TOMM20: variants seen among roughly 807,000 people sequenced by gnomAD.
TOMM20 encodes the protein mitochondrial import receptor subunit TOM20 homolog.
TOMM20 carries 10 observed loss-of-function variants against 22.1 expected under a neutral mutation model. The ratio of observed to expected loss-of-function variants is 0.45; its 90% confidence interval spans 0.28 to 0.77. TOMM20 has a LOEUF of 0.77. TOMM20 is among the 30% of genes least tolerant of loss of function. The probability of loss-of-function intolerance (pLI) is 0.13; values close to 1 mark genes in which losing one functional copy is unlikely to be tolerated. For synonymous variants in TOMM20, 55 were observed against 61.4 expected (o/e 0.90, Z 0.49); for missense variants, 121 against 172.2 (o/e 0.70, Z 1.66).
chr1:235,114,058 T>A (rs1225472472), intron 3 of TOMM20, 148 bp from the exon 4 acceptor site: 1 of 779,538 alleles, frequency 1.3e-6, no homozygotes. Flanking sequence ...CATATAACTA[T>A]TATGAAGCTA....
At chr1:235,122,114 T>C (rs1475285272) in intron 2 of TOMM20, among the ~76,000 whole-genome samples, 2 of 152,196 alleles carry the variant, frequency 1.3e-5, no homozygotes, top group African/African-American at 4.8e-5. Flanking sequence ...TTTGTTGTTA[T>C]GGCCAGCAAA....
At chr1:235,112,800 AT>A (rs1660760216) in intron 4 of TOMM20, among the ~76,000 whole-genome samples, 1 of 152,172 alleles carries the variant, frequency 6.6e-6, no homozygotes, top group South Asian at 2.1e-4. Flanking sequence ...CCTCAGGCCA[AT>A]TTTCCAAAAG....
chr1:235,122,459 T>C, intron 1 of TOMM20, 87 bp from the exon 2 acceptor site: 1 of 1,251,218 alleles, frequency 8.0e-7, no homozygotes, highest in Non-Finnish European at 1.1e-6. Flanking sequence ...AGTCATTAAT[T>C]CCATTTGCAA....
At chr1:235,120,512 G>A (rs376760483) in intron 2 of TOMM20, among the ~76,000 whole-genome samples, 6 of 151,714 alleles carry the variant, frequency 4.0e-5, no homozygotes, top group Admixed American at 2.0e-4. Flanking sequence ...TGATCCACCC[G>A]CCTCGGCCTC....
chr1:235,116,688 G>A (rs1660833391), intron 3 of TOMM20, among the ~76,000 whole-genome samples: 1 of 152,248 alleles, frequency 6.6e-6, no homozygotes, highest in Non-Finnish European at 1.5e-5. Flanking sequence ...TCCAGCCTGG[G>A]CAACAGAATG....
chr1:235,120,052 T>C (rs751862353), intron 2 of TOMM20, among the ~76,000 whole-genome samples, 153 bp from the exon 3 acceptor site: 6 of 152,220 alleles, frequency 3.9e-5, no homozygotes, highest in Non-Finnish European at 8.8e-5. Context: ...CTTGTAGGAA[T>C]TAAGAGTTCA....
At chr1:235,127,817 T>C (rs1168608167) in intron 1 of TOMM20, 2 of 518,390 alleles carry the variant, frequency 3.9e-6, no homozygotes, top group Admixed American at 3.9e-5. Flanking sequence ...GTCGCAGGTA[T>C]GAAATAAGAC....
intron 3 of TOMM20, among the ~76,000 whole-genome samples, chr1:235,117,476 A>AAC (rs1660856066): frequency 1.3e-5 from 1 of 74,142 alleles, no homozygotes; most frequent in South Asian, 2.5e-4. Flanking sequence ...CAAAAAAAAC[A>AAC]AAAAAAAAAA....
intron 1 of TOMM20, among the ~76,000 whole-genome samples, chr1:235,126,612 G>C (rs1340754852): frequency 6.6e-6 from 1 of 151,940 alleles, no homozygotes; most frequent in Non-Finnish European, 1.5e-5. Context: ...AGACCAACCT[G>C]GCCAATATGG....
In TOMM20 at chr1:235,111,050, A is replaced by G. The variant is rs531355414; in HGVS notation, c.*1014T>C. ...GCAAAAGGCAACAAGCATTTTTACAAGCAGATCATCCCAGTTACCTTAAAA... is the reference window on the plus strand; with the variant it reads ...GCAAAAGGCAACAAGCATTTTTACAGGCAGATCATCCCAGTTACCTTAAAA... On this transcript the variant is annotated 3_prime_UTR_variant, in exon 5 of 5. Coordinates refer to ENST00000366607, the MANE Select transcript of TOMM20 (RefSeq NM_014765.3). 3.9e-5 allele frequency: 6 copies of G among 152,368 alleles called. No individual in the cohort carries two copies. The highest frequency in any genetic ancestry group is 3.9e-4 in the Admixed American group (6 of 15,308). The allele number at this position is 152,368 out of a possible 1,614,324, so 9.4% of individuals were successfully genotyped here.
At chr1:235,119,179 A>G (rs1162502717) in intron 3 of TOMM20, among the ~76,000 whole-genome samples, 1 of 152,200 alleles carries the variant, frequency 6.6e-6, no homozygotes, top group Admixed American at 6.6e-5. Flanking sequence ...CACGTTTGTC[A>G]ATTTGATAAT....
intron 3 of TOMM20, among the ~76,000 whole-genome samples, chr1:235,114,941 C>T (rs1660805984): frequency 2.6e-5 from 4 of 152,132 alleles, no homozygotes; most frequent in Non-Finnish European, 5.9e-5. Flanking sequence ...ACAATCTTGG[C>T]TGACTGCAGC....
At chr1:235,123,061 G>T (rs1169830448) in intron 1 of TOMM20, among the ~76,000 whole-genome samples, 8 of 152,142 alleles carry the variant, frequency 5.3e-5, no homozygotes, top group African/African-American at 1.9e-4. Flanking sequence ...GGTGATCTTA[G>T]GCAAATCTCT....
At chr1:235,114,326 A>G (rs1032876808) in intron 3 of TOMM20, among the ~76,000 whole-genome samples, 3 of 152,164 alleles carry the variant, frequency 2.0e-5, no homozygotes, top group African/African-American at 7.2e-5. Context: ...ATGGTATCGC[A>G]TGGGAAGAAA....
chr1:235,113,373 G>A (rs1660773080), intron 4 of TOMM20, among the ~76,000 whole-genome samples: 1 of 152,120 alleles, frequency 6.6e-6, no homozygotes, highest in African/African-American at 2.4e-5. Context: ...GTCTAGAACC[G>A]ACGTTTAGGC....
At chr1:235,123,410 G>C (rs1019237957) in intron 1 of TOMM20, among the ~76,000 whole-genome samples, 1 of 152,108 alleles carries the variant, frequency 6.6e-6, no homozygotes, top group African/African-American at 2.4e-5. Context: ...GCTTGAACCC[G>C]GGAGGCGGAG....
rs1415177571 is a variant in TOMM20, at chr1:235,120,384, T to C, written c.169-485A>G. Among the ~76,000 whole-genome samples the C allele has an allele frequency of 3.3e-5, 5 of 151,934 alleles. No homozygotes were observed. In the East Asian group the frequency reaches 7.8e-4, roughly 24 times the overall value. ...ACCTCCCGGATTCAAGCGATTCTCC[T>C]GCCTCAGCCTCCCGAGTAGCTGGGT... On this transcript the variant is annotated intron_variant, in intron 2 of 4. Coordinates refer to ENST00000366607, the MANE Select transcript of TOMM20 (RefSeq NM_014765.3).
In TOMM20 at chr1:235,109,988, G is replaced by C. The variant is rs906430772; in HGVS notation, c.*2076C>G. 4 of 151,990 alleles carry C rather than the reference G, an allele frequency of 2.6e-5. No homozygotes were observed. Among genetic ancestry groups the C allele is most frequent in the Non-Finnish European group, 5.9e-5 (4 of 68,010 alleles). The allele number at this position is 151,990 out of a possible 1,614,324, so 9.4% of individuals were successfully genotyped here. On this transcript the variant is annotated 3_prime_UTR_variant, in exon 5 of 5. Transcript: ENST00000366607. Reference sequence around the variant, plus strand: ...ATAGTGTTTGGCAATTACATTTCTGGGAGAAAAAACTGCTGATTTTTTCTT... The same window carrying C: ...ATAGTGTTTGGCAATTACATTTCTGCGAGAAAAAACTGCTGATTTTTTCTT...
chr1:235,117,675 C>G (rs1660858339), intron 3 of TOMM20, among the ~76,000 whole-genome samples: 1 of 152,122 alleles, frequency 6.6e-6, no homozygotes, highest in African/African-American at 2.4e-5. Context: ...TATATGTTTT[C>G]TGTGCTACCA....
Sources: allele counts gnomAD v4.1 joint callset (sites outside exome capture counted in the v4.1 genomes callset), GRCh38; gene constraint gnomAD v4.1.1; transcripts MANE v1.5; gene names NCBI Gene and HGNC (gene_info 2026-07-23, HGNC 2026-07-21).